MLIP: variants seen among roughly 807,000 people sequenced by gnomAD.
MLIP encodes muscular LMNA-interacting protein.
MLIP carries 79 observed loss-of-function variants against 84.8 expected under a neutral mutation model. The ratio of observed to expected loss-of-function variants is 0.93; its 90% CI spans 0.78 to 1.12. MLIP has a LOEUF of 1.12. Among genes scored for constraint, MLIP ranks in the 50% most tolerant of loss-of-function variants. The probability of loss-of-function intolerance (pLI) is 0.00; values close to 1 mark genes in which losing one functional copy is unlikely to be tolerated. For synonymous variants in MLIP, 504 were observed against 463.0 expected, an observed-to-expected ratio of 1.09 and a Z score of -1.14; for missense variants, 1,257 against 1,160.6, an observed-to-expected ratio of 1.08 and a Z score of -1.21.
At chr6:54,227,624 C>G (rs913091746) in intron 11 of MLIP, among the ~76,000 whole-genome samples, 3 of 152,070 alleles carry the variant, frequency 2.0e-5, no homozygotes, top group Non-Finnish European at 2.9e-5. Context: ...TACAAATCAT[C>G]GGAAATCAAA....
At chr6:54,247,610 A>T (rs1782172895) in intron 12 of MLIP, among the ~76,000 whole-genome samples, 1 of 152,170 alleles carries the variant, frequency 6.6e-6, no homozygotes, top group Non-Finnish European at 1.5e-5. Flanking sequence ...ACAACTTTGA[A>T]GTGTAGTTTG....
chr6:54,079,275 CT>C (rs1158476611), intron 1 of MLIP, among the ~76,000 whole-genome samples: 1 of 152,124 alleles, frequency 6.6e-6, no homozygotes, highest in African/African-American at 2.4e-5. Context: ...GGTAGAGTAT[CT>C]ACTCCTATGC....
At chr6:54,125,369 A>G (rs553205855) in intron 3 of MLIP, among the ~76,000 whole-genome samples, 22 of 152,348 alleles carry the variant, frequency 1.4e-4, no homozygotes, top group Non-Finnish European at 2.1e-4. Flanking sequence ...TCCCCTGTGT[A>G]TCCTAAGGAA....
At chr6:54,153,366 T>A (rs993573914) in intron 5 of MLIP, among the ~76,000 whole-genome samples, 4 of 152,094 alleles carry the variant, frequency 2.6e-5, no homozygotes, top group Non-Finnish European at 5.9e-5. Flanking sequence ...GGAGTCTTGC[T>A]ATGTTGCCCA....
intron 1 of MLIP, among the ~76,000 whole-genome samples, chr6:54,054,145 A>G (rs1255599755): frequency 6.6e-6 from 1 of 152,206 alleles, no homozygotes; most frequent in Non-Finnish European, 1.5e-5. Context: ...TTAGCAACCC[A>G]TTAAAAAGGC....
At chr6:54,165,488 C>T (rs1168708966) in intron 8 of MLIP, among the ~76,000 whole-genome samples, 1 of 151,936 alleles carries the variant, frequency 6.6e-6, no homozygotes, top group African/African-American at 2.4e-5. Flanking sequence ...ATTTTAGCCC[C>T]TCAGTTCACC....
intron 1 of MLIP, among the ~76,000 whole-genome samples, chr6:54,097,915 G>A (rs567805029): frequency 1.8e-4 from 27 of 152,100 alleles, no homozygotes; most frequent in Non-Finnish European, 2.9e-4. Flanking sequence ...TCCCCAATCC[G>A]ATGACTTGCA....
intron 5 of MLIP, among the ~76,000 whole-genome samples, chr6:54,149,357 G>A (rs1346417117): frequency 6.6e-6 from 1 of 152,102 alleles, no homozygotes; most frequent in Non-Finnish European, 1.5e-5. Flanking sequence ...TTAGTCCACT[G>A]TCAAGCTACT....
intron 3 of MLIP, among the ~76,000 whole-genome samples, chr6:54,136,474 C>T (rs816381): frequency 0.79 from 119,483 of 152,112 alleles, 47,765 homozygotes; most frequent in African/African-American, 0.93. Context: ...TACAATTTTA[C>T]ATTGATTTCA....
intron 11 of MLIP, chr6:54,217,399 A>C (rs578066351): frequency 2.0e-6 from 2 of 985,440 alleles, no homozygotes; most frequent in South Asian, 4.7e-5. Flanking sequence ...GTATGATTTG[A>C]TGGTTGAGTA....
chr6:54,055,718 C>G (rs772131878), intron 1 of MLIP, among the ~76,000 whole-genome samples: 4 of 151,884 alleles, frequency 2.6e-5, no homozygotes, highest in Non-Finnish European at 4.4e-5. Context: ...AATATATATT[C>G]TATATTCAAA....
At chr6:54,158,146 G>A (rs570714855) in intron 5 of MLIP, among the ~76,000 whole-genome samples, 55 of 152,210 alleles carry the variant, frequency 3.6e-4, no homozygotes, top group African/African-American at 1.3e-3. Context: ...CTGGTTGTTA[G>A]AAGGAGGAAA....
intron 10 of MLIP, among the ~76,000 whole-genome samples, chr6:54,193,361 T>G (rs938334046): frequency 3.9e-5 from 6 of 152,196 alleles, no homozygotes; most frequent in African/African-American, 1.4e-4. Flanking sequence ...GTCAGTATAC[T>G]CCTATGGATA....
At chr6:54,212,226 A>G (rs933652202) in intron 11 of MLIP, among the ~76,000 whole-genome samples, 1 of 152,356 alleles carries the variant, frequency 6.6e-6, no homozygotes, top group East Asian at 1.9e-4. Context: ...GATGGTTTAT[A>G]TAACTCTTAA....
chr6:54,223,487 C>T (rs1469212854), intron 11 of MLIP, among the ~76,000 whole-genome samples: 1 of 151,952 alleles, frequency 6.6e-6, no homozygotes, highest in Non-Finnish European at 1.5e-5. Context: ...CAGTTTTCAC[C>T]ACACCATTTA....
chr6:54,202,298 A>T, intron 11 of MLIP, 65 bp downstream of exon 11: 2 of 730,528 alleles, frequency 2.7e-6, no homozygotes, highest in Non-Finnish European at 3.6e-6. Flanking sequence ...AAATATATAT[A>T]AATATATAAA....
intron 10 of MLIP, 67 bp from the exon 11 acceptor site, chr6:54,202,038 A>T: frequency 2.5e-6 from 3 of 1,176,538 alleles, no homozygotes; most frequent in Non-Finnish European, 3.4e-6. Context: ...CTTAACAATA[A>T]ACATATTTGT....
rs570609063 is a variant in MLIP at position 54,194,411 on chromosome 6, T to A, written c.2589+4497T>A. On this transcript the variant is annotated intron_variant, in intron 10 of 13. Transcript: ENST00000502396. ...GTTTGAGTCATGCTATCATCTTTTA[T>A]TTAACCATTGAAATATTTCAATCTG... Among the ~76,000 whole-genome samples, 91 of 152,314 alleles carry A rather than the reference T, an allele frequency of 6.0e-4. 1 individual carries two copies. Among genetic ancestry groups the A allele is most frequent in the African/African-American group, 2.2e-3 (91 of 41,592 alleles).
intron 9 of MLIP, among the ~76,000 whole-genome samples, chr6:54,178,683 A>G (rs1331975013): frequency 6.6e-6 from 1 of 151,964 alleles, no homozygotes; most frequent in Non-Finnish European, 1.5e-5. Context: ...TTTAATTTCC[A>G]TGTGTTTGTA....
Sources: gnomAD v4.1 joint callset for allele counts (sites outside exome capture counted in the v4.1 genomes callset) on GRCh38, gnomAD v4.1.1 for gene constraint, MANE v1.5 for transcripts, NCBI Gene and HGNC (gene_info 2026-07-23, HGNC 2026-07-21) for gene names.